The following GRM7 variants were observed in gnomAD, a reference collection of about 807,000 sequenced individuals.
GRM7 encodes metabotropic glutamate receptor 7.
A neutral mutation model predicts 84.5 loss-of-function variants in GRM7; 35 were observed. That is an observed-to-expected ratio of 0.41 (90% CI 0.32 to 0.55). GRM7 has a LOEUF of 0.55. Among genes scored for constraint, GRM7 ranks in the 20% least tolerant of loss-of-function variants. The pLI is 0.19. For synonymous variants in GRM7, 487 were observed against 455.1 expected (o/e 1.07, Z -0.89); for missense variants, 1,003 against 1,194.6 (o/e 0.84, Z 2.36).
intron 7 of GRM7, among the ~76,000 whole-genome samples, chr3:7,553,358 T>C (rs1693585750): frequency 2.0e-5 from 3 of 152,322 alleles, no homozygotes; most frequent in African/African-American, 7.2e-5. Context: ...TCCTATCTTC[T>C]CCTGAGCCCT....
At chr3:7,566,788 C>T (rs748769367) in intron 7 of GRM7, among the ~76,000 whole-genome samples, 4 of 152,026 alleles carry the variant, frequency 2.6e-5, no homozygotes, top group East Asian at 1.9e-4. Flanking sequence ...AAGGCTGTCC[C>T]GATTCTTCCA....
At chr3:7,258,263 A>G (rs932139660) in intron 2 of GRM7, among the ~76,000 whole-genome samples, 6 of 152,194 alleles carry the variant, frequency 3.9e-5, no homozygotes, top group Admixed American at 6.5e-5. Flanking sequence ...CTTCATTTGT[A>G]TCATGTCTTC....
intron 8 of GRM7, among the ~76,000 whole-genome samples, chr3:7,658,475 T>G (rs374123080): frequency 2.0e-5 from 3 of 152,232 alleles, no homozygotes; most frequent in African/African-American, 7.2e-5. Flanking sequence ...TTCCCACTCA[T>G]GCAATCTCTG....
intron 4 of GRM7, among the ~76,000 whole-genome samples, chr3:7,388,891 G>A (rs1328147536): frequency 6.6e-6 from 1 of 151,944 alleles, no homozygotes; most frequent in Non-Finnish European, 1.5e-5. Context: ...GTTCTCTTCT[G>A]ATGGTAGTTA....
chr3:7,720,600 C>A (rs533577512), intron 9 of GRM7, among the ~76,000 whole-genome samples: 47 of 152,180 alleles, frequency 3.1e-4, no homozygotes, highest in African/African-American at 1.1e-3. Flanking sequence ...AATGAGTGCT[C>A]CCTGAGCACT....
intron 8 of GRM7, chr3:7,636,438 C>T: frequency 2.7e-6 from 1 of 363,750 alleles, no homozygotes; most frequent in Non-Finnish European, 5.5e-6. Flanking sequence ...TCTAAAGTTA[C>T]AAGAACATCG....
Position 7,326,212 on chromosome 3 carries a change from CA to C in GRM7, c.1033+19562del, listed in dbSNP as rs148113321. 2.7e-3 allele frequency among the ~76,000 whole-genome samples: 414 copies of C among 151,056 alleles called. 1 individual carries two copies. The highest frequency in any genetic ancestry group is 0.01 in the Middle Eastern group (3 of 294). On this transcript the variant is annotated intron_variant, in intron 4 of 9. Transcript: ENST00000357716. ...AAAACACATTATTTTGAGAGAAAAA[CA>C]ACACCCTAATTGTGGTTTTATACAA...
intron 5 of GRM7, among the ~76,000 whole-genome samples, chr3:7,439,450 A>G (rs1228470824): frequency 6.6e-6 from 1 of 152,162 alleles, no homozygotes; most frequent in East Asian, 1.9e-4. Flanking sequence ...TACTCTGGCT[A>G]CTACTGTTTC....
chr3:7,067,500 A>G (rs1387420940), intron 1 of GRM7, among the ~76,000 whole-genome samples: 2 of 152,086 alleles, frequency 1.3e-5, no homozygotes, highest in Non-Finnish European at 2.9e-5. Context: ...GGAAAACTAC[A>G]AAGCACTGCT....
chr3:7,424,333 G>T (rs1433371299), intron 5 of GRM7, among the ~76,000 whole-genome samples: 1 of 151,742 alleles, frequency 6.6e-6, no homozygotes, highest in Non-Finnish European at 1.5e-5. Flanking sequence ...AAAAGTCAGG[G>T]CTCCTCCATG....
chr3:6,893,515 A>T (rs1045550808), intron 1 of GRM7, among the ~76,000 whole-genome samples: 2 of 152,144 alleles, frequency 1.3e-5, no homozygotes, highest in African/African-American at 4.8e-5. Context: ...TTTCCTACAG[A>T]CATAAACTGA....
intron 4 of GRM7, among the ~76,000 whole-genome samples, chr3:7,327,597 A>G (rs1701037493): frequency 6.6e-6 from 1 of 152,190 alleles, no homozygotes; most frequent in Admixed American, 6.5e-5. Context: ...TTTGCCTCCA[A>G]AAATCCCATT....
intron 1 of GRM7, among the ~76,000 whole-genome samples, chr3:6,952,034 A>G (rs771842757): frequency 6.6e-6 from 1 of 151,864 alleles, no homozygotes; most frequent in Non-Finnish European, 1.5e-5. Flanking sequence ...ACTGGTGATT[A>G]TTGATATTGT....
At chr3:7,319,048 T>G (rs1700679703) in intron 4 of GRM7, among the ~76,000 whole-genome samples, 1 of 152,064 alleles carries the variant, frequency 6.6e-6, no homozygotes, top group East Asian at 1.9e-4. Context: ...CAAACTTTAA[T>G]TGAGTTCAAC....
chr3:7,562,774 C>T (rs1465924204), intron 7 of GRM7, among the ~76,000 whole-genome samples: 1 of 152,046 alleles, frequency 6.6e-6, no homozygotes, highest in East Asian at 1.9e-4. Flanking sequence ...CCTCATTTTT[C>T]CTTAAGAGCA....
At chr3:7,633,978 T>G (rs3804861) in intron 8 of GRM7, among the ~76,000 whole-genome samples, 129,027 of 152,166 alleles carry the variant, frequency 0.85, 54,749 homozygotes, top group South Asian at 0.88. Flanking sequence ...TGTTATGCTT[T>G]CCTTTTGTTC....
chr3:6,958,737 C>T (rs1693172573), intron 1 of GRM7, among the ~76,000 whole-genome samples: 1 of 152,096 alleles, frequency 6.6e-6, no homozygotes, highest in Admixed American at 6.6e-5. Context: ...CCCTAAAATC[C>T]ATGACTTTGG....
chr3:7,251,329 G>T (rs982038102), intron 2 of GRM7, among the ~76,000 whole-genome samples: 21 of 152,032 alleles, frequency 1.4e-4, no homozygotes, highest in African/African-American at 4.8e-4. Flanking sequence ...TAGGCTAGGA[G>T]TGAAGATGAT....
At chr3:7,530,791 G>GT (rs370960275) in intron 7 of GRM7, among the ~76,000 whole-genome samples, 234 of 145,152 alleles carry the variant, frequency 1.6e-3, no homozygotes, top group African/African-American at 3.4e-3. Flanking sequence ...TGATGGGTCT[G>GT]TTTTTTTTTT....
Sources: allele counts gnomAD v4.1 joint callset (sites outside exome capture counted in the v4.1 genomes callset), GRCh38; gene constraint gnomAD v4.1.1; transcripts MANE v1.5; gene names NCBI Gene and HGNC (gene_info 2026-07-23, HGNC 2026-07-21).